TMEM175: variants seen among roughly 807,000 people sequenced by gnomAD.
TMEM175 encodes the protein transmembrane protein 175, also known as endosomal/lysosomal proton channel TMEM175.
In TMEM175, 36 loss-of-function variants were observed where a neutral mutation model predicts 36.5. The ratio of observed to expected loss-of-function variants is 0.99; its 90% CI spans 0.76 to 1.30. TMEM175 has a LOEUF of 1.30. Among genes scored for constraint, TMEM175 ranks in the 50% most tolerant of loss-of-function variants. The probability of loss-of-function intolerance (pLI) is 0.00; values close to 1 mark genes in which losing one functional copy is unlikely to be tolerated. For missense variants in TMEM175, 705 were observed against 692.8 expected, an observed-to-expected ratio of 1.02 and a Z score of -0.20; for synonymous variants, 339 against 313.4, an observed-to-expected ratio of 1.08 and a Z score of -0.86.
intron 1 of TMEM175, among the ~76,000 whole-genome samples, chr4:941,376 CAAAA>C (rs567941043): frequency 7.8e-4 from 82 of 104,812 alleles, no homozygotes; most frequent in African/African-American, 1.7e-3. Flanking sequence ...AACTCTGTCT[CAAAA>C]AAAAAAAAAA....
rs183333093 is a variant in TMEM175 at position 948,426 on chromosome 4, C to A, written c.192+272C>A. On this transcript the variant is annotated intron_variant, in intron 3 of 10. Coordinates refer to ENST00000264771, the MANE Select transcript of TMEM175 (RefSeq NM_032326.4). ...CCGAGTTCAGTGGACAAAGGCAGCA[C>A]CCTGGAAGTGAGCCAGAGGACAGGT... 1.3e-4 allele frequency: 191 copies of A among 1,512,388 alleles called. No individual in the cohort carries two copies. In the African/African-American group the frequency reaches 1.9e-3, roughly 15 times the overall value. 93.7% of individuals were successfully genotyped at this position (1,512,388 alleles called of 1,614,324 possible).
intron 3 of TMEM175, 37 bp downstream of exon 3, chr4:948,191 T>C: frequency 6.2e-7 from 1 of 1,614,024 alleles, no homozygotes; most frequent in South Asian, 1.1e-5. Context: ...GGTGTGGCCC[T>C]GCGAAGATAT....
intron 1 of TMEM175, among the ~76,000 whole-genome samples, chr4:934,712 A>G (rs949354437): frequency 6.6e-6 from 1 of 152,256 alleles, no homozygotes; most frequent in East Asian, 1.9e-4. Flanking sequence ...GAGCAGCCTA[A>G]AGCGGATGGA....
chr4:942,491 AT>A (rs1238054016), intron 1 of TMEM175, among the ~76,000 whole-genome samples: 1 of 152,106 alleles, frequency 6.6e-6, no homozygotes, highest in Non-Finnish European at 1.5e-5. Context: ...GTAGGGGTTT[AT>A]TTCTGAACTA....
At chr4:949,444 T>C (rs1728587976) in intron 3 of TMEM175, among the ~76,000 whole-genome samples, 1 of 152,204 alleles carries the variant, frequency 6.6e-6, no homozygotes, top group Non-Finnish European at 1.5e-5. Flanking sequence ...GCCTGACGTG[T>C]GTCCCAGGGA....
At chr4:945,726 T>G (rs1464258280) in intron 1 of TMEM175, among the ~76,000 whole-genome samples, 1 of 152,076 alleles carries the variant, frequency 6.6e-6, no homozygotes, top group Non-Finnish European at 1.5e-5. Context: ...AGCACCCCCT[T>G]TGGAGTAAAA....
chr4:953,017 G>A lies in TMEM175; in HGVS notation c.463-173G>A, dbSNP rs571629092. On this transcript the variant is annotated intron_variant, in intron 7 of 10. Transcript: ENST00000264771. ...CCCAGGTACAAGCCCACCTCTACTC[G>A]CCAGGTCCTCCCCCACCCCAAGACC... 4.6e-5 allele frequency among the ~76,000 whole-genome samples: 7 copies of A among 151,852 alleles called. No homozygotes were observed. In the South Asian group the frequency reaches 1.0e-3, roughly 23 times the overall value.
chr4:942,966 A>C (rs951856053), intron 1 of TMEM175, among the ~76,000 whole-genome samples: 3 of 151,958 alleles, frequency 2.0e-5, no homozygotes, highest in Admixed American at 6.6e-5. Flanking sequence ...GTTCTCCTAA[A>C]GACTGGTAAG....
At chr4:950,939 G>A (rs1432848652) in intron 4 of TMEM175, among the ~76,000 whole-genome samples, 1 of 148,932 alleles carries the variant, frequency 6.7e-6, no homozygotes, top group Non-Finnish European at 1.5e-5. Context: ...TGGTGCAATA[G>A]GTGGAGGTGT....
intron 4 of TMEM175, 92 bp downstream of exon 4, chr4:950,610 G>A (rs966249701): frequency 6.1e-6 from 6 of 991,536 alleles, no homozygotes; most frequent in Non-Finnish European, 9.5e-6. Flanking sequence ...GGGTCGGGGA[G>A]GACAGCAGGC....
rs1367985358 is a variant in TMEM175, at chr4:958,500, C to A, written c.*4C>A. ...GCTCCTCCCTGCCCCCTGCTAGCAGCCACAGAGCCCACTCCCAGCCGTCCT... is the reference window on the plus strand; with the variant it reads ...GCTCCTCCCTGCCCCCTGCTAGCAGACACAGAGCCCACTCCCAGCCGTCCT... On this transcript the variant is annotated 3_prime_UTR_variant, in exon 11 of 11. Coordinates refer to ENST00000264771, the MANE Select transcript of TMEM175 (RefSeq NM_032326.4). The A allele has an allele frequency of 3.3e-6, 5 of 1,505,622 alleles. No homozygotes were observed. The highest frequency in any genetic ancestry group is 4.4e-6 in the Non-Finnish European group (5 of 1,129,394). 93.3% of individuals were successfully genotyped at this position (1,505,622 alleles called of 1,614,324 possible). A position where few individuals can be genotyped will look rare whatever the true frequency, so the allele number is the denominator to read the frequency against.
chr4:941,533 G>A (rs1272866786), intron 1 of TMEM175, among the ~76,000 whole-genome samples: 1 of 150,746 alleles, frequency 6.6e-6, no homozygotes, highest in Non-Finnish European at 1.5e-5. Flanking sequence ...CTGCCTCCCT[G>A]GTTCAAGAAA....
intron 10 of TMEM175, chr4:956,339 G>T: frequency 7.8e-7 from 1 of 1,290,260 alleles, no homozygotes; most frequent in Non-Finnish European, 1.0e-6. Flanking sequence ...CCTTTGGCTG[G>T]CTGTTGCTTC....
chr4:934,851 T>C (rs966870003), intron 1 of TMEM175, among the ~76,000 whole-genome samples: 1 of 152,174 alleles, frequency 6.6e-6, no homozygotes, highest in Non-Finnish European at 1.5e-5. Context: ...GATATTTGCT[T>C]TGGACATAGG....
intron 1 of TMEM175, among the ~76,000 whole-genome samples, chr4:945,742 G>A (rs1728063668): frequency 6.6e-6 from 1 of 152,038 alleles, no homozygotes; most frequent in Non-Finnish European, 1.5e-5. Context: ...TAAAACCTGG[G>A]GGCTCTGGCT....
At chr4:941,663 T>C (rs1237152409) in intron 1 of TMEM175, among the ~76,000 whole-genome samples, 1 of 152,048 alleles carries the variant, frequency 6.6e-6, no homozygotes, top group African/African-American at 2.4e-5. Flanking sequence ...CTTGAACTCC[T>C]GACATCAGGT....
intron 1 of TMEM175, among the ~76,000 whole-genome samples, chr4:933,702 C>T (rs941017610): frequency 2.6e-5 from 4 of 152,176 alleles, no homozygotes; most frequent in African/African-American, 9.7e-5. Context: ...GCAACCCCTT[C>T]AACAGAGTTA....
intron 10 of TMEM175, chr4:956,440 G>A (rs1433297880): frequency 5.5e-6 from 7 of 1,273,004 alleles, no homozygotes; most frequent in Non-Finnish European, 7.1e-6. Context: ...TGGTTTTTGT[G>A]GGGTTTTTTT....
intron 1 of TMEM175, among the ~76,000 whole-genome samples, chr4:933,782 C>T (rs1486580416): frequency 6.6e-6 from 1 of 152,210 alleles, no homozygotes; most frequent in East Asian, 1.9e-4. Context: ...AAGCTAACAT[C>T]TGTTATCTTT....
Sources: gnomAD v4.1 joint callset for allele counts (sites outside exome capture counted in the v4.1 genomes callset) on GRCh38, gnomAD v4.1.1 for gene constraint, MANE v1.5 for transcripts, NCBI Gene and HGNC (gene_info 2026-07-23, HGNC 2026-07-21) for gene names.